Variants in REPS1 observed in about 807,000 individuals in gnomAD.
The protein encoded by REPS1 is ralBP1-associated Eps domain-containing protein 1.
In REPS1, 39 loss-of-function variants were observed where a neutral mutation model predicts 100.9. That is an observed-to-expected ratio of 0.39 (90% CI 0.30 to 0.50). The LOEUF is 0.50. Among genes scored for constraint, REPS1 ranks in the 20% least tolerant of loss-of-function variants. The pLI is 0.86. For synonymous variants in REPS1, 324 were observed against 340.3 expected (o/e 0.95, Z 0.53); for missense variants, 821 against 968.5 (o/e 0.85, Z 2.02).
chr6:138,975,242 G>C (rs1239176570), intron 1 of REPS1, among the ~76,000 whole-genome samples: 1 of 151,978 alleles, frequency 6.6e-6, no homozygotes, highest in Non-Finnish European at 1.5e-5. Flanking sequence ...CACGTTAATG[G>C]CATCACCATT....
chr6:138,925,785 A>C (rs887229147), intron 10 of REPS1, among the ~76,000 whole-genome samples: 1 of 152,174 alleles, frequency 6.6e-6, no homozygotes, highest in Non-Finnish European at 1.5e-5. Context: ...TATTAAATTA[A>C]CTCTATGGGG....
chr6:138,969,473 G>A (rs1384609232), intron 1 of REPS1, among the ~76,000 whole-genome samples: 1 of 142,424 alleles, frequency 7.0e-6, no homozygotes, highest in African/African-American at 2.6e-5. Context: ...TTTTTTGGTA[G>A]AGATGGGGTC....
intron 1 of REPS1, among the ~76,000 whole-genome samples, chr6:138,983,796 C>T (rs558436369): frequency 6.6e-5 from 10 of 152,284 alleles, no homozygotes; most frequent in Non-Finnish European, 1.0e-4. Flanking sequence ...GAAGAAATCC[C>T]GAACCTCTGA....
intron 1 of REPS1, among the ~76,000 whole-genome samples, chr6:138,958,521 GGT>G (rs909586647): frequency 6.7e-5 from 10 of 148,916 alleles, no homozygotes; most frequent in Non-Finnish European, 1.2e-4. Context: ...CAACAGGCCT[GGT>G]GTGTGTTGCT....
chr6:138,964,011 G>A (rs1783879618), intron 1 of REPS1, among the ~76,000 whole-genome samples: 1 of 152,054 alleles, frequency 6.6e-6, no homozygotes, highest in African/African-American at 2.4e-5. Flanking sequence ...ACCCTTTTGA[G>A]ATACTTATCA....
chr6:138,907,548 C>T lies in REPS1; in HGVS notation c.2269G>A (p.Glu757Lys). 1 of 1,613,712 alleles carries T rather than the reference C, an allele frequency of 6.2e-7. No homozygotes were observed. Among genetic ancestry groups the T allele is most frequent in the Non-Finnish European group, 8.5e-7 (1 of 1,179,814 alleles). The change falls in exon 19 of 20, where the codon GAA becomes AAA. Residue 757 changes from glutamate (E) to lysine (K), a missense_variant. Physicochemically the swap from Glu to Lys is moderately conservative, Grantham distance 56 (BLOSUM62 1). This residue lies in a region of REPS1 where 757 missense variants were observed against 866.4 expected (regional missense o/e 0.87). Coordinates refer to ENST00000450536, the MANE Select transcript of REPS1 (RefSeq NM_001286611.2). ...AATCTGGCCAAAACGGTGTTGGTTT[C>T]CTTATTACGTCTAATTGATGCCTGA... ...AIQASIRRNK[E>K]TNTVLARLNS...
At chr6:138,922,624 C>G (rs1314507491) in intron 10 of REPS1, among the ~76,000 whole-genome samples, 2 of 152,280 alleles carry the variant, frequency 1.3e-5, no homozygotes, top group East Asian at 3.9e-4. Flanking sequence ...AAACCAGAAC[C>G]AGATCAAGCA....
chr6:138,903,510 G>A lies in REPS1; in HGVS notation c.*1554C>T, dbSNP rs141453558. On this transcript the variant is annotated 3_prime_UTR_variant, in exon 20 of 20. Transcript: ENST00000450536. ...CTAAAAAGTTTTCTATAATTTTTAA[G>A]TGTTATTTATTGGAAGGCTAAATTC... The A allele has an allele frequency of 5.6e-4, 85 of 152,194 alleles. No individual in the cohort carries two copies. The highest frequency in any genetic ancestry group is 2.0e-3 in the African/African-American group (83 of 41,542). The allele number at this position is 152,194 out of a possible 1,614,324, so 9.4% of individuals were successfully genotyped here. A position where few individuals can be genotyped will look rare whatever the true frequency, so the allele number is the denominator to read the frequency against.
At position 138,917,557 on chromosome 6, in the gene REPS1, T is replaced by G. The variant is rs1460076947; in HGVS notation, c.1599A>C (p.Gln533His). Residue 533 changes from glutamine to histidine, a missense_variant and splice_region_variant, in exon 13 of 20, where the codon CAA becomes CAC. Transcript: ENST00000450536. ...TTTTCATTGACAGAAATACTGACCTTTGACGAGTTACATTGCTCCCGATCT... is the reference window on the plus strand; with the variant it reads ...TTTTCATTGACAGAAATACTGACCTGTGACGAGTTACATTGCTCCCGATCT... ...PEQIGSNVTR[Q>H]RSHSGTSPDN... 2.5e-6 allele frequency: 4 copies of G among 1,611,608 alleles called. No homozygotes were observed. The highest frequency in any genetic ancestry group is 1.3e-5 in the African/African-American group (1 of 74,896).
intron 1 of REPS1, 147 bp downstream of exon 1, chr6:138,987,383 C>G (rs888311824): frequency 1.2e-6 from 1 of 848,708 alleles, no homozygotes; most frequent in South Asian, 1.9e-5. Flanking sequence ...TCCAGGCCTC[C>G]CGGGCACCTG....
chr6:138,907,003 A>C (rs1003513462), intron 19 of REPS1, among the ~76,000 whole-genome samples: 3 of 152,218 alleles, frequency 2.0e-5, no homozygotes, highest in Non-Finnish European at 2.9e-5. Context: ...CTAGAAAACA[A>C]ACACATTCCT....
intron 8 of REPS1, among the ~76,000 whole-genome samples, chr6:138,937,898 A>C (rs1270447470): frequency 6.6e-6 from 1 of 152,242 alleles, no homozygotes. Flanking sequence ...TGTATCAAAC[A>C]ACCACAGAAG....
chr6:138,907,438 T>C (rs775127591), intron 19 of REPS1, 57 bp downstream of exon 19: 6 of 1,228,712 alleles, frequency 4.9e-6, no homozygotes, highest in African/African-American at 3.0e-5. Flanking sequence ...ACATTCCTTC[T>C]CTTTAGGTTT....
At chr6:138,969,451 ATTT>A (rs1297090821) in intron 1 of REPS1, among the ~76,000 whole-genome samples, 2 of 133,126 alleles carry the variant, frequency 1.5e-5, no homozygotes. Flanking sequence ...CAGCTGGCCA[ATTT>A]TTTTTTTTTT....
At chr6:138,907,342 C>CGGGGA (rs1237491193) in intron 19 of REPS1, 153 bp downstream of exon 19, 1 of 270,760 alleles carries the variant, frequency 3.7e-6, no homozygotes, top group Non-Finnish European at 7.4e-6. Context: ...GTGTGTGTGG[C>CGGGGA]GGGGAGGGGT....
At chr6:138,940,128 C>G (rs1271566242) in intron 8 of REPS1, among the ~76,000 whole-genome samples, 4 of 152,110 alleles carry the variant, frequency 2.6e-5, no homozygotes, top group Non-Finnish European at 4.4e-5. Flanking sequence ...GGAGACTGTT[C>G]TCTTTTGTGA....
chr6:138,950,803 T>TC (rs1317188227), intron 1 of REPS1, among the ~76,000 whole-genome samples: 1 of 150,292 alleles, frequency 6.7e-6, no homozygotes, highest in African/African-American at 2.4e-5. Flanking sequence ...CAGCAACTGA[T>TC]TTATGGTCTT....
Position 138,987,511 on chromosome 6 carries a change from C to T in REPS1, c.153+19G>A, listed in dbSNP as rs1306939469. On this transcript the variant is annotated intron_variant, in intron 1 of 19. Coordinates refer to ENST00000450536, the MANE Select transcript of REPS1 (RefSeq NM_001286611.2). ...ACTGCAGGCCTAAGCCGCCCGCCGGCCCCGGGACGCGACGTTACCTGTAGG... is the reference window on the plus strand; with the variant it reads ...ACTGCAGGCCTAAGCCGCCCGCCGGTCCCGGGACGCGACGTTACCTGTAGG... 6 of 1,543,716 alleles carry T rather than the reference C, an allele frequency of 3.9e-6. No individual in the cohort carries two copies. The highest frequency in any genetic ancestry group is 3.6e-5 in the South Asian group (3 of 83,452).
chr6:138,936,493 C>T (rs763679363), intron 8 of REPS1, among the ~76,000 whole-genome samples: 3 of 151,478 alleles, frequency 2.0e-5, no homozygotes, highest in Non-Finnish European at 2.9e-5. Flanking sequence ...AATGGTGTAT[C>T]TTTACTAATA....
Sources: gnomAD v4.1 joint callset for allele counts (sites outside exome capture counted in the v4.1 genomes callset) on GRCh38, gnomAD v4.1.1 for gene constraint, gnomAD v4.1.1 regional missense constraint, MANE v1.5 for transcripts, NCBI Gene and HGNC (gene_info 2026-07-23, HGNC 2026-07-21) for gene names.